Variants in MAGI2 observed in about 807,000 individuals in gnomAD.
MAGI2 encodes the protein membrane-associated guanylate kinase, WW and PDZ domain-containing protein 2.
Under a neutral mutation model 133.3 loss-of-function variants are expected in MAGI2, and 35 were observed. That is an observed-to-expected ratio of 0.26 (90% CI 0.20 to 0.35). The LOEUF is 0.35. Ranked by LOEUF, MAGI2 falls within the 10% of genes least tolerant of loss-of-function variation. The probability of loss-of-function intolerance (pLI) is 1.00; values close to 1 mark genes in which losing one functional copy is unlikely to be tolerated. For missense variants in MAGI2, 1,636 were observed against 1,863.4 expected (o/e 0.88, Z 2.25); for synonymous variants, 729 against 710.6 (o/e 1.03, Z -0.41).
At chr7:78,579,088 C>G (rs952416766) in intron 3 of MAGI2, among the ~76,000 whole-genome samples, 14 of 152,092 alleles carry the variant, frequency 9.2e-5, no homozygotes, top group African/African-American at 3.4e-4. Flanking sequence ...CAATCACATC[C>G]CATCTTCCTG....
At chr7:78,356,560 A>T (rs1216763859) in intron 7 of MAGI2, among the ~76,000 whole-genome samples, 1 of 152,260 alleles carries the variant, frequency 6.6e-6, no homozygotes, top group Non-Finnish European at 1.5e-5. Flanking sequence ...AAGTATCAAA[A>T]CATCACTATA....
intron 2 of MAGI2, among the ~76,000 whole-genome samples, chr7:78,733,738 C>G (rs1821587033): frequency 6.6e-6 from 1 of 152,096 alleles, no homozygotes; most frequent in African/African-American, 2.4e-5. Flanking sequence ...GTTATAATGT[C>G]AAGCCATCAG....
chr7:78,625,149 G>T (rs1808209667), intron 3 of MAGI2, among the ~76,000 whole-genome samples: 1 of 151,998 alleles, frequency 6.6e-6, no homozygotes, highest in Admixed American at 6.6e-5. Flanking sequence ...AGTTTAAAAA[G>T]TTAAAACAAT....
intron 1 of MAGI2, among the ~76,000 whole-genome samples, chr7:79,385,422 A>AT (rs1049662999): frequency 2.6e-5 from 4 of 151,854 alleles, no homozygotes; most frequent in African/African-American, 4.8e-5. Context: ...ATTTTAAAAT[A>AT]TTTTTTCTCC....
chr7:78,261,266 T>G (rs368856647), intron 9 of MAGI2, among the ~76,000 whole-genome samples: 1 of 152,164 alleles, frequency 6.6e-6, no homozygotes, highest in African/African-American at 2.4e-5. Flanking sequence ...ACTCACAACT[T>G]ACAACTTGTT....
In MAGI2 at chr7:78,648,279, T is replaced by C. The variant is rs1462843750; in HGVS notation, c.419-21040A>G. On this transcript the variant is annotated intron_variant, in intron 2 of 21. Transcript: ENST00000354212. The stretch of plus-strand genomic sequence containing the variant: ...TACACATAGAAGGATGTTCACTGGC[T>C]CATCCTTGTAACAAGGAAAAACCGA... Among the ~76,000 whole-genome samples the C allele has an allele frequency of 4.6e-5, 7 of 152,216 alleles. No individual in the cohort carries two copies. The East Asian group carries it at 1.3e-3, about 29-fold the overall frequency.
At chr7:79,007,239 G>T in intron 1 of MAGI2, 33 bp from the exon 2 acceptor site, 1 of 1,267,950 alleles carries the variant, frequency 7.9e-7, no homozygotes, top group Non-Finnish European at 1.1e-6. Context: ...GGTAAGGGAT[G>T]TTGGAAAATA....
chr7:79,368,273 C>T (rs1352000127), intron 1 of MAGI2, among the ~76,000 whole-genome samples: 2 of 151,972 alleles, frequency 1.3e-5, no homozygotes, highest in African/African-American at 4.8e-5. Flanking sequence ...CAGGAATTAG[C>T]AGAAATCCTA....
intron 16 of MAGI2, among the ~76,000 whole-genome samples, chr7:78,143,871 A>G (rs886116197): frequency 2.7e-5 from 4 of 150,202 alleles, no homozygotes; most frequent in Admixed American, 1.3e-4. Context: ...ATATGATCTT[A>G]TTCAGTGTTG....
At chr7:78,317,715 C>T (rs761711157) in intron 9 of MAGI2, among the ~76,000 whole-genome samples, 15 of 152,216 alleles carry the variant, frequency 9.9e-5, no homozygotes, top group East Asian at 1.9e-4. Flanking sequence ...CAGGAGGGGC[C>T]GACAGAAACC....
chr7:78,607,771 T>C (rs1196929696), intron 3 of MAGI2, among the ~76,000 whole-genome samples: 2 of 152,188 alleles, frequency 1.3e-5, no homozygotes, highest in Non-Finnish European at 2.9e-5. Flanking sequence ...TACATCCTCA[T>C]GGACAATTTC....
At chr7:78,249,877 A>C (rs751822285) in intron 10 of MAGI2, among the ~76,000 whole-genome samples, 3 of 152,100 alleles carry the variant, frequency 2.0e-5, no homozygotes, top group Non-Finnish European at 4.4e-5. Flanking sequence ...AAGAAATGAT[A>C]AATGCTTGAG....
intron 6 of MAGI2, among the ~76,000 whole-genome samples, chr7:78,427,557 T>C (rs1233568084): frequency 1.3e-5 from 2 of 151,624 alleles, no homozygotes; most frequent in Non-Finnish European, 2.9e-5. Flanking sequence ...ATATCATGAC[T>C]GCATGACCCA....
chr7:78,557,014 C>A (rs978612468), intron 3 of MAGI2, among the ~76,000 whole-genome samples: 1 of 138,900 alleles, frequency 7.2e-6, no homozygotes, highest in South Asian at 2.3e-4. Context: ...TGGTGTTAAT[C>A]GGGCAGATGG....
chr7:78,668,039 T>G (rs548668906), intron 2 of MAGI2, among the ~76,000 whole-genome samples: 6 of 152,230 alleles, frequency 3.9e-5, no homozygotes, highest in South Asian at 2.1e-4. Context: ...TCTCCCCACA[T>G]CCTCTCCAGC....
chr7:78,160,616 C>T (rs1481548486), intron 15 of MAGI2, among the ~76,000 whole-genome samples: 1 of 152,166 alleles, frequency 6.6e-6, no homozygotes, highest in Non-Finnish European at 1.5e-5. Context: ...GAATAATTTA[C>T]TGAAGATGGT....
intron 1 of MAGI2, among the ~76,000 whole-genome samples, chr7:79,215,124 G>A (rs1332640347): frequency 4.6e-5 from 7 of 151,668 alleles, no homozygotes; most frequent in African/African-American, 2.4e-5. Flanking sequence ...CATCAGATAT[G>A]CCTCATTATA....
At chr7:78,507,166 A>G (rs539410636) in intron 4 of MAGI2, among the ~76,000 whole-genome samples, 5 of 152,294 alleles carry the variant, frequency 3.3e-5, no homozygotes, top group East Asian at 1.9e-4. Flanking sequence ...GAGGGAAGCA[A>G]TAAGTAGCAC....
intron 1 of MAGI2, among the ~76,000 whole-genome samples, chr7:79,008,489 T>C (rs1807701428): frequency 6.6e-6 from 1 of 152,162 alleles, no homozygotes; most frequent in African/African-American, 2.4e-5. Flanking sequence ...TTCAACTGAA[T>C]TAACTGTCAA....
Sources: allele counts gnomAD v4.1 joint callset (sites outside exome capture counted in the v4.1 genomes callset), GRCh38; gene constraint gnomAD v4.1.1; transcripts MANE v1.5; gene names NCBI Gene and HGNC (gene_info 2026-07-23, HGNC 2026-07-21).